CEP89: variants seen among roughly 807,000 people sequenced by gnomAD.
CEP89 encodes the protein centrosomal protein of 89 kDa.
Under a neutral mutation model 97.6 loss-of-function variants are expected in CEP89, and 95 were observed. The observed-to-expected ratio is 0.97, with a 90% CI of 0.82 to 1.15. The LOEUF (loss-of-function observed/expected upper bound fraction) is 1.15, where lower values mean the gene tolerates loss of function less well. Ranked by LOEUF, CEP89 falls within the 50% of genes most tolerant of loss-of-function variation. CEP89 has a pLI of 0.00. For synonymous variants in CEP89, 354 were observed against 349.1 expected, an observed-to-expected ratio of 1.01 and a Z score of -0.16; for missense variants, 869 against 947.7, an observed-to-expected ratio of 0.92 and a Z score of 1.09.
In CEP89 at chr19:32,960,025, T is replaced by C. The variant is rs138964531; in HGVS notation, c.180A>G (p.Thr60=). 6 of 1,614,204 alleles carry C rather than the reference T, an allele frequency of 3.7e-6. No individual in the cohort carries two copies. The highest frequency in any genetic ancestry group is 1.3e-5 in the African/African-American group (1 of 75,060). Residue 60 remains threonine (T), a synonymous_variant, in exon 3 of 19, where the codon ACA becomes ACG. Coordinates refer to ENST00000305768, the MANE Select transcript of CEP89 (RefSeq NM_032816.5). The stretch of plus-strand genomic sequence containing the variant: ...GAATAGCAACCGTCCGCCCAGTCAA[T>C]GTTGTCGCCAGAATGGCTGCTGCCA... ...SALAAAILAT[T]LTGRTVAIPQ...
At chr19:32,964,905 T>G (rs1488832996) in intron 2 of CEP89, among the ~76,000 whole-genome samples, 1 of 152,074 alleles carries the variant, frequency 6.6e-6, no homozygotes, top group African/African-American at 2.4e-5. Context: ...AAAATAAACT[T>G]TTTTAGAGGC....
At chr19:32,923,328 G>A (rs538593122) in intron 12 of CEP89, 111 bp downstream of exon 12, 363 of 542,296 alleles carry the variant, frequency 6.7e-4, no homozygotes, top group South Asian at 1.8e-3. Context: ...AAACTCTCCC[G>A]TAAAATATTT....
chr19:32,893,664 T>C (rs1969580833), intron 16 of CEP89, among the ~76,000 whole-genome samples: 1 of 152,226 alleles, frequency 6.6e-6, no homozygotes, highest in South Asian at 2.1e-4. Context: ...ACTGACATCA[T>C]GTCAAGTATC....
chr19:32,881,770 A>C, intron 18 of CEP89, 74 bp downstream of exon 18: 1 of 1,367,006 alleles, frequency 7.3e-7, no homozygotes, highest in Non-Finnish European at 9.9e-7. Flanking sequence ...AAACAGGCCC[A>C]GAGGGTTTTA....
Position 32,879,783 on chromosome 19 carries a change from C to T in CEP89, c.2136-405G>A, listed in dbSNP as rs564883366. 2.1e-3 allele frequency among the ~76,000 whole-genome samples: 314 copies of T among 152,354 alleles called. 4 individuals are homozygous for T. Among genetic ancestry groups the T allele is most frequent in the South Asian group, 0.017 (83 of 4,832 alleles). ...CCTTGGCCAGCCAGACGCTCTAGCA[C>T]GATGGCCTGGCCACAGGCACCCACA... On this transcript the variant is annotated intron_variant, in intron 18 of 18. Coordinates refer to ENST00000305768, the MANE Select transcript of CEP89 (RefSeq NM_032816.5).
chr19:32,938,296 G>C (rs1970619196), intron 6 of CEP89, among the ~76,000 whole-genome samples: 4 of 152,180 alleles, frequency 2.6e-5, no homozygotes, highest in South Asian at 2.1e-4. Flanking sequence ...GCATGTGCTA[G>C]GTAGGGCTGC....
chr19:32,937,762 T>A lies in CEP89; in HGVS notation c.625-89A>T, dbSNP rs186842521. 77 of 862,442 alleles carry A rather than the reference T, an allele frequency of 8.9e-5. 1 individual carries two copies. In the African/African-American group the frequency reaches 1.1e-3, roughly 13 times the overall value. The allele number at this position is 862,442 out of a possible 1,614,324, so 53.4% of individuals were successfully genotyped here. ...CGCAGCTAGGTCATTAGACAGCAGG[T>A]ATATAAGCATGCTTTATTTCCTTCA... On this transcript the variant is annotated intron_variant, in intron 6 of 18. Transcript: ENST00000305768.
In CEP89 at chr19:32,899,880, C is replaced by T. The variant is rs1369314771; in HGVS notation, c.1852G>A (p.Glu618Lys). ...LVGLAENITQ[E>K]RDSLMCLAKC... Reference sequence around the variant, plus strand: ...ACCAAACACATAAGACTGTCACGTTCCTGGGTTATGTTTTCTGCCAGGCCA... The same window carrying T: ...ACCAAACACATAAGACTGTCACGTTTCTGGGTTATGTTTTCTGCCAGGCCA... The change falls in exon 16 of 19, where the codon GAA (glutamate) becomes AAA (lysine). Residue 618 changes from glutamate to lysine, a missense_variant. Physicochemically the swap from Glu to Lys is moderately conservative, Grantham distance 56. Transcript: ENST00000305768. 6.2e-7 allele frequency: 1 copy of T among 1,613,826 alleles called. No individual in the cohort carries two copies. The highest frequency in any genetic ancestry group is 1.3e-5 in the African/African-American group (1 of 74,912).
intron 17 of CEP89, among the ~76,000 whole-genome samples, chr19:32,884,948 T>C (rs2145869333): frequency 6.6e-6 from 1 of 152,336 alleles, no homozygotes; most frequent in South Asian, 2.1e-4. Flanking sequence ...TAGTCCCCTG[T>C]TTTTAGATCG....
chr19:32,943,394 C>T (rs1448143164), intron 5 of CEP89, among the ~76,000 whole-genome samples: 6 of 152,174 alleles, frequency 3.9e-5, no homozygotes, highest in Admixed American at 6.5e-5. Flanking sequence ...TCACCCATGA[C>T]CATAATCCCT....
rs8102673 is a variant in CEP89, at chr19:32,916,087, G to T, written c.1385-570C>A. On this transcript the variant is annotated intron_variant, in intron 13 of 18. Coordinates refer to ENST00000305768, the MANE Select transcript of CEP89 (RefSeq NM_032816.5). ...GGGTCAGGAGTTTGAGACCAGCCTG[G>T]GTAACATAGTGAGACCCCATCTCTA... is the stretch of plus-strand genomic sequence containing the variant. 2.8e-3 allele frequency among the ~76,000 whole-genome samples: 432 copies of T among 152,006 alleles called. 2 individuals are homozygous for T. The highest frequency in any genetic ancestry group is 0.01 in the African/African-American group (417 of 41,438).
At chr19:32,900,055 C>T in intron 15 of CEP89, 57 bp from the exon 16 acceptor site, 1 of 1,514,306 alleles carries the variant, frequency 6.6e-7, no homozygotes, top group Non-Finnish European at 9.1e-7. Context: ...ATGGCTAGGG[C>T]ATGGTGAATA....
intron 14 of CEP89, among the ~76,000 whole-genome samples, chr19:32,902,010 C>CTCTCTCTGTGTGTGTGTGTGTG (rs1207481256): frequency 1.5e-5 from 2 of 133,730 alleles, no homozygotes; most frequent in South Asian, 2.6e-4. Context: ...CTCTCTCTCT[C>CTCTCTCTGTGTGTGTGTGTGTG]TGTGTGTGTG....
intron 3 of CEP89, among the ~76,000 whole-genome samples, chr19:32,959,269 G>A (rs116874861): frequency 0.01 from 1,525 of 151,880 alleles, 19 homozygotes; most frequent in Admixed American, 0.019. Flanking sequence ...ACACTCCCTC[G>A]TTTCTGTCTG....
At chr19:32,958,394 G>A (rs558980606) in intron 3 of CEP89, among the ~76,000 whole-genome samples, 1 of 152,176 alleles carries the variant, frequency 6.6e-6, no homozygotes, top group East Asian at 1.9e-4. Context: ...TATCAAAAAA[G>A]CCTACACAGG....
chr19:32,944,810 C>T (rs1383273006), intron 5 of CEP89, among the ~76,000 whole-genome samples: 1 of 152,144 alleles, frequency 6.6e-6, no homozygotes, highest in African/African-American at 2.4e-5. Context: ...AGAGGTCTCG[C>T]TAGAGTGCAG....
At chr19:32,902,010 C>CTCTCTCTGTGTG (rs1207481256) in intron 14 of CEP89, among the ~76,000 whole-genome samples, 71 of 133,804 alleles carry the variant, frequency 5.3e-4, no homozygotes, top group African/African-American at 1.2e-3. Context: ...CTCTCTCTCT[C>CTCTCTCTGTGTG]TGTGTGTGTG....
At chr19:32,951,924 A>T (rs1239852572) in intron 4 of CEP89, among the ~76,000 whole-genome samples, 2 of 151,804 alleles carry the variant, frequency 1.3e-5, no homozygotes, top group African/African-American at 2.4e-5. Context: ...GAGAGATATG[A>T]CTCTATGTGT....
Position 32,900,013 on chromosome 19 carries a change from C to T in CEP89, c.1734-15G>A. 1 of 1,613,448 alleles carries T rather than the reference C, an allele frequency of 6.2e-7. No individual in the cohort carries two copies. Among genetic ancestry groups the T allele is most frequent in the South Asian group, 1.1e-5 (1 of 91,016 alleles). On this transcript the variant is annotated splice_polypyrimidine_tract_variant and intron_variant, in intron 15 of 18. Coordinates refer to ENST00000305768, the MANE Select transcript of CEP89 (RefSeq NM_032816.5). Reference sequence around the variant, plus strand: ...TTTGAGATTTCCTAGAGAGTTACCCCAAATGGTAGAATAAAAAGCCCATTA... The same window carrying T: ...TTTGAGATTTCCTAGAGAGTTACCCTAAATGGTAGAATAAAAAGCCCATTA...
Sources: gnomAD v4.1 joint callset for allele counts (sites outside exome capture counted in the v4.1 genomes callset) on GRCh38, gnomAD v4.1.1 for gene constraint, MANE v1.5 for transcripts, NCBI Gene and HGNC (gene_info 2026-07-23, HGNC 2026-07-21) for gene names.